The following DYDC1 variants were observed in gnomAD, a reference collection of about 807,000 sequenced individuals.
DYDC1 encodes DPY30 domain-containing protein 1.
Under a neutral mutation model 27.9 loss-of-function variants are expected in DYDC1, and 21 were observed. The observed-to-expected ratio is 0.75, with a 90% CI of 0.53 to 1.08. The LOEUF (loss-of-function observed/expected upper bound fraction) is 1.08. DYDC1 is among the 50% of genes least tolerant of loss of function. DYDC1 has a pLI of 0.00. For synonymous variants in DYDC1, 67 were observed against 65.8 expected (o/e 1.02, Z -0.09); for missense variants, 202 against 205.9 (o/e 0.98, Z 0.12).
Position 80,339,083 on chromosome 10 carries a change from CT to C in DYDC1, c.399+13del. On this transcript the variant is annotated intron_variant, in intron 5 of 6. Coordinates refer to ENST00000372202, the MANE Select transcript of DYDC1 (RefSeq NM_001269053.2). ...ATTCATTTCACATAACATAGAATGA[CT>C]TTTTCTTCTCACCTCTGAATGTAGA... The C allele has an allele frequency of 1.5e-6, 2 of 1,370,554 alleles. No individual in the cohort carries two copies. The highest frequency in any genetic ancestry group is 2.7e-5 in the East Asian group (1 of 37,354). The allele number at this position is 1,370,554 out of a possible 1,614,324, so 84.9% of individuals were successfully genotyped here. A position where few individuals can be genotyped will look rare whatever the true frequency, so the allele number is the denominator to read the frequency against.
intron 3 of DYDC1, among the ~76,000 whole-genome samples, chr10:80,346,475 T>TTTTTTTTTTTTTTC: frequency 7.0e-6 from 1 of 141,972 alleles, no homozygotes; most frequent in African/African-American, 2.7e-5. Flanking sequence ...TTTTTTTCTT[T>TTTTTTTTTTTTTTC]TTTGAGACGG....
rs55665661 is a variant in DYDC1, at chr10:80,342,980, CAAAAAAAA to C, written c.250-627_250-620del. Among the ~76,000 whole-genome samples the C allele has an allele frequency of 9.1e-4, 85 of 93,890 alleles. 3 individuals carry two copies. Among genetic ancestry groups the C allele is most frequent in the African/African-American group, 3.3e-3 (84 of 25,168 alleles). The allele number at this position is 93,890 out of a possible 152,430, so 61.6% of individuals were successfully genotyped here. On this transcript the variant is annotated intron_variant, in intron 3 of 6. Transcript: ENST00000372202. Reference sequence around the variant, plus strand: ...TAGGCAACAGAGTAAGACTCCCTCTCAAAAAAAAAAAAAAAAAAGAAAAGAAGAAAAAA... The same window carrying C: ...TAGGCAACAGAGTAAGACTCCCTCTCAAAAAAAAAAGAAAAGAAGAAAAAA...
At chr10:80,337,139 C>T (rs1842157563) in intron 6 of DYDC1, 1 of 985,354 alleles carries the variant, frequency 1.0e-6, no homozygotes, top group African/African-American at 1.7e-5. Context: ...TTTGCTGTCT[C>T]TTTCCTCTGG....
At chr10:80,338,835 A>G (rs145533186) in intron 5 of DYDC1, among the ~76,000 whole-genome samples, 19 of 152,334 alleles carry the variant, frequency 1.2e-4, no homozygotes, top group African/African-American at 4.6e-4. Context: ...GTAAGTAATT[A>G]TGTGGTAAAT....
chr10:80,345,969 G>A (rs370603259), intron 3 of DYDC1, among the ~76,000 whole-genome samples: 21 of 152,112 alleles, frequency 1.4e-4, no homozygotes, highest in African/African-American at 4.1e-4. Flanking sequence ...AGCTTCCTGA[G>A]TAGCTGGGAC....
chr10:80,347,059 G>A (rs575889276), intron 3 of DYDC1, among the ~76,000 whole-genome samples: 2 of 151,546 alleles, frequency 1.3e-5, no homozygotes, highest in South Asian at 4.2e-4. Flanking sequence ...CAGCCTGGGT[G>A]AAAGAGCGAG....
chr10:80,354,305 A>G (rs1396007947), intron 1 of DYDC1: 1 of 150,578 alleles, frequency 6.6e-6, no homozygotes, highest in Non-Finnish European at 1.5e-5. Flanking sequence ...TGGCCACAAT[A>G]GTGAAATGCT....
At chr10:80,352,642 G>A in intron 1 of DYDC1, 32 bp from the exon 2 acceptor site, 1 of 1,578,956 alleles carries the variant, frequency 6.3e-7, no homozygotes, top group Non-Finnish European at 8.6e-7. Flanking sequence ...ATTACTGCAG[G>A]ATATTTTCAA....
chr10:80,342,193 C>T (rs777662765), intron 4 of DYDC1, 76 bp downstream of exon 4: 1 of 1,437,194 alleles, frequency 7.0e-7, no homozygotes, highest in Non-Finnish European at 9.7e-7. Context: ...GGTCCTTCTG[C>T]TAACAGCTGA....
At chr10:80,356,457 AGTGTG>A in intron 1 of DYDC1, 1 of 985,288 alleles carries the variant, frequency 1.0e-6, no homozygotes. Flanking sequence ...CGGGGCGCTC[AGTGTG>A]GTTTTCCCAC....
chr10:80,353,796 C>G (rs778568728), intron 1 of DYDC1, among the ~76,000 whole-genome samples: 3 of 151,988 alleles, frequency 2.0e-5, no homozygotes, highest in Non-Finnish European at 4.4e-5. Flanking sequence ...TACATGAGAC[C>G]CACATTACTT....
intron 1 of DYDC1, among the ~76,000 whole-genome samples, chr10:80,353,297 G>A (rs996274207): frequency 6.6e-6 from 1 of 151,756 alleles, no homozygotes; most frequent in Non-Finnish European, 1.5e-5. Flanking sequence ...AGCACACCCT[G>A]GGCTCTAATT....
intron 4 of DYDC1, among the ~76,000 whole-genome samples, chr10:80,341,442 CA>C (rs58419721): frequency 4.6e-3 from 216 of 46,798 alleles, no homozygotes; most frequent in South Asian, 0.014. Context: ...GACTCTGTCT[CA>C]AAAAAAAAAA....
At chr10:80,352,214 A>G (rs1843038110) in intron 2 of DYDC1, among the ~76,000 whole-genome samples, 1 of 152,224 alleles carries the variant, frequency 6.6e-6, no homozygotes, top group Non-Finnish European at 1.5e-5. Context: ...TCACAAGTAC[A>G]TAAACGTAAA....
rs747854452 is a variant in DYDC1 at position 80,351,996 on chromosome 10, T to C, written c.154A>G (p.Lys52Glu). ...ENVTMEQLRQ[K>E]EMAKLERERE... is the part of the protein sequence containing the mutation. ...TCACGCTCCAGCTTGGCCATTTCCT[T>C]TTGTCTCTAGCATTGTTTAAAAACA... The change falls in exon 3 of 7, where the codon AAG (lysine) becomes GAG (glutamate). Residue 52 changes from lysine to glutamate, a missense_variant. Coordinates refer to ENST00000372202, the MANE Select transcript of DYDC1 (RefSeq NM_001269053.2). 5 of 1,614,052 alleles carry C rather than the reference T, an allele frequency of 3.1e-6. No homozygotes were observed. In the East Asian group the frequency reaches 1.1e-4, roughly 36 times the overall value.
In DYDC1 at chr10:80,352,002, TCTAG is replaced by T; in HGVS notation, c.148-4_148-1del. On this transcript the variant is annotated splice_acceptor_variant and splice_polypyrimidine_tract_variant and intron_variant, in intron 2 of 6. Coordinates refer to ENST00000372202, the MANE Select transcript of DYDC1 (RefSeq NM_001269053.2). LOFTEE classifies it high-confidence loss of function. ...TCCAGCTTGGCCATTTCCTTTTGTC[TCTAG>T]CATTGTTTAAAAACAACAGCACACG... The T allele has an allele frequency of 5.6e-6, 9 of 1,613,756 alleles. No homozygotes were observed. The highest frequency in any genetic ancestry group is 6.8e-6 in the Non-Finnish European group (8 of 1,179,908).
At chr10:80,344,990 C>T (rs1451290743) in intron 3 of DYDC1, among the ~76,000 whole-genome samples, 1 of 152,096 alleles carries the variant, frequency 6.6e-6, no homozygotes, top group Non-Finnish European at 1.5e-5. Flanking sequence ...TGTGTCATAG[C>T]TGACAGTGAT....
intron 6 of DYDC1, chr10:80,338,121 G>A: frequency 1.0e-6 from 1 of 985,418 alleles, no homozygotes; most frequent in Non-Finnish European, 1.2e-6. Flanking sequence ...TCTCATTAAG[G>A]CATTAATTTG....
intron 3 of DYDC1, among the ~76,000 whole-genome samples, chr10:80,350,706 CT>C (rs1231036010): frequency 4.6e-5 from 7 of 152,134 alleles, no homozygotes; most frequent in Non-Finnish European, 8.8e-5. Flanking sequence ...CTTCTTTCCC[CT>C]TTTTAAATAT....
Sources: allele counts gnomAD v4.1 joint callset (sites outside exome capture counted in the v4.1 genomes callset), GRCh38; gene constraint gnomAD v4.1.1; transcripts MANE v1.5; gene names NCBI Gene and HGNC (gene_info 2026-07-23, HGNC 2026-07-21).